The following RUNX1 variants were observed in gnomAD, a reference collection of about 807,000 sequenced individuals.
The protein encoded by RUNX1 is runt-related transcription factor 1.
In RUNX1, 19 loss-of-function variants were observed where a neutral mutation model predicts 42.8. That is an observed-to-expected ratio of 0.44 (90% CI 0.31 to 0.65). The LOEUF (loss-of-function observed/expected upper bound fraction) is 0.65. Ranked by LOEUF, RUNX1 falls within the 30% of genes least tolerant of loss-of-function variation. The pLI is 0.07. For synonymous variants in RUNX1, 271 were observed against 289.4 expected (o/e 0.94, Z 0.64); for missense variants, 528 against 672.0 (o/e 0.79, Z 2.37).
At chr21:34,888,683 G>T in intron 3 of RUNX1, 3 of 1,041,736 alleles carry the variant, frequency 2.9e-6, no homozygotes, top group African/African-American at 1.7e-5. Context: ...GCGCCCGCTG[G>T]CTCTATGAAT....
chr21:34,953,102 A>G (rs2058620469), intron 2 of RUNX1, among the ~76,000 whole-genome samples: 1 of 151,716 alleles, frequency 6.6e-6, no homozygotes, highest in Non-Finnish European at 1.5e-5. Context: ...ATGATAGTTC[A>G]GTCAAGAAGT....
chr21:34,796,645 A>G (rs934749242), intron 8 of RUNX1, among the ~76,000 whole-genome samples: 6 of 152,230 alleles, frequency 3.9e-5, no homozygotes, highest in Non-Finnish European at 8.8e-5. Context: ...CCAGCTTGAC[A>G]TGGATGAAAG....
At chr21:35,004,097 A>C (rs2059066700) in intron 2 of RUNX1, among the ~76,000 whole-genome samples, 1 of 152,220 alleles carries the variant, frequency 6.6e-6, no homozygotes, top group South Asian at 2.1e-4. Context: ...AAGGGATGAG[A>C]AAGCATTAGC....
At chr21:34,967,956 G>A (rs190130731) in intron 2 of RUNX1, among the ~76,000 whole-genome samples, 1 of 152,264 alleles carries the variant, frequency 6.6e-6, no homozygotes, top group East Asian at 1.9e-4. Flanking sequence ...AACAGTGGAC[G>A]CCTCCCTGGC....
At chr21:34,998,760 C>A (rs967906389) in intron 2 of RUNX1, among the ~76,000 whole-genome samples, 3 of 152,158 alleles carry the variant, frequency 2.0e-5, no homozygotes, top group African/African-American at 7.2e-5. Flanking sequence ...CCAGGATGGT[C>A]TCAGTCTCCT....
At chr21:35,019,244 T>G (rs541794969) in intron 2 of RUNX1, among the ~76,000 whole-genome samples, 77 of 152,334 alleles carry the variant, frequency 5.1e-4, no homozygotes, top group African/African-American at 1.7e-3. Flanking sequence ...CTGGATACCT[T>G]TCCCTGTTCT....
At chr21:34,905,744 A>C (rs186860658) in intron 2 of RUNX1, among the ~76,000 whole-genome samples, 1 of 152,220 alleles carries the variant, frequency 6.6e-6, no homozygotes, top group Non-Finnish European at 1.5e-5. Flanking sequence ...AAAAGTTAAT[A>C]CTTCCTTGGT....
chr21:34,985,739 T>G (rs895021083), intron 2 of RUNX1, among the ~76,000 whole-genome samples: 1 of 152,132 alleles, frequency 6.6e-6, no homozygotes, highest in African/African-American at 2.4e-5. Flanking sequence ...TCATATTTTA[T>G]TATCCTATAT....
At chr21:35,027,103 C>A (rs1007464301) in intron 2 of RUNX1, among the ~76,000 whole-genome samples, 1 of 152,122 alleles carries the variant, frequency 6.6e-6, no homozygotes, top group African/African-American at 2.4e-5. Context: ...GCAGGTGCAG[C>A]CGCTGGGAGA....
intron 7 of RUNX1, among the ~76,000 whole-genome samples, chr21:34,802,363 C>T (rs1244145326): frequency 6.6e-6 from 1 of 152,184 alleles, no homozygotes; most frequent in Non-Finnish European, 1.5e-5. Flanking sequence ...ATGAATAAGA[C>T]CAACATGGTC....
chr21:35,014,166 T>C (rs569144229), intron 2 of RUNX1, among the ~76,000 whole-genome samples: 1 of 152,346 alleles, frequency 6.6e-6, no homozygotes, highest in South Asian at 2.1e-4. Context: ...TTTTAAAAAT[T>C]AATATCTTAG....
chr21:34,819,554 T>C (rs1048678733), intron 7 of RUNX1, among the ~76,000 whole-genome samples: 2 of 152,238 alleles, frequency 1.3e-5, no homozygotes, highest in African/African-American at 2.4e-5. Flanking sequence ...TCTCTGCAAA[T>C]TCCTGTGACA....
At chr21:34,838,904 T>A (rs2057188658) in intron 6 of RUNX1, among the ~76,000 whole-genome samples, 1 of 151,416 alleles carries the variant, frequency 6.6e-6, no homozygotes, top group Non-Finnish European at 1.5e-5. Context: ...ACCACATGTA[T>A]ATTATATATA....
chr21:35,042,479 C>T (rs1222640661), intron 2 of RUNX1, among the ~76,000 whole-genome samples: 2 of 152,238 alleles, frequency 1.3e-5, no homozygotes, highest in African/African-American at 4.8e-5. Flanking sequence ...CTTCCCTCCA[C>T]TCTCCAGGCT....
chr21:34,888,458 C>G, intron 3 of RUNX1: 1 of 1,066,682 alleles, frequency 9.4e-7, no homozygotes, highest in Non-Finnish European at 1.1e-6. Context: ...AAGTTGAAAA[C>G]ATCCAGCCAA....
intron 2 of RUNX1, among the ~76,000 whole-genome samples, chr21:35,007,574 C>G (rs11700551): frequency 0.18 from 27,427 of 152,102 alleles, 3,038 homozygotes; most frequent in African/African-American, 0.3. Flanking sequence ...TGTCTCCCTG[C>G]AGTGTTTCTC....
At chr21:34,992,016 C>A (rs952515575) in intron 2 of RUNX1, among the ~76,000 whole-genome samples, 1 of 152,198 alleles carries the variant, frequency 6.6e-6, no homozygotes, top group African/African-American at 2.4e-5. Flanking sequence ...GGAGCAAGGG[C>A]CTGCCAACAC....
rs950496680 is a variant in RUNX1, at chr21:34,907,736, A to G, written c.59-14773T>C. Among the ~76,000 whole-genome samples, 6 of 152,212 alleles carry G rather than the reference A, an allele frequency of 3.9e-5. 1 individual carries two copies. Among genetic ancestry groups the G allele is most frequent in the South Asian group, 2.1e-4 (1 of 4,838 alleles). ...AAGTGCCTTGTCAAGCTAAACAGTC[A>G]TGAGAGGTGAAGGATTATTATGAAA... On this transcript the variant is annotated intron_variant, in intron 2 of 8. Transcript: ENST00000675419. The surrounding 1 kb of genome is among the most constrained non-coding windows in gnomAD (Gnocchi z 5.3).
chr21:34,927,406 A>G (rs918291261), intron 2 of RUNX1, among the ~76,000 whole-genome samples: 1 of 152,132 alleles, frequency 6.6e-6, no homozygotes, highest in Non-Finnish European at 1.5e-5. Flanking sequence ...GCGGACTCTT[A>G]TCTATGATGC....
Sources: gnomAD v4.1 joint callset for allele counts (sites outside exome capture counted in the v4.1 genomes callset) on GRCh38, gnomAD v4.1.1 for gene constraint, Gnocchi (gnomAD v3.1) non-coding constraint, MANE v1.5 for transcripts, NCBI Gene and HGNC (gene_info 2026-07-23, HGNC 2026-07-21) for gene names.